AFDN: variants seen among roughly 807,000 people sequenced by gnomAD.
AFDN encodes the protein afadin.
AFDN carries 68 observed loss-of-function variants against 216.6 expected under a neutral mutation model. That is an observed-to-expected ratio of 0.31 (90% CI 0.26 to 0.38). The LOEUF (loss-of-function observed/expected upper bound fraction) is 0.38, where lower values mean the gene tolerates loss of function less well. Among genes scored for constraint, AFDN ranks in the 10% least tolerant of loss-of-function variants. The pLI, the probability that AFDN is intolerant of heterozygous loss-of-function variation, is 1.00. For synonymous variants in AFDN, 868 were observed against 853.7 expected, an observed-to-expected ratio of 1.02 and a Z score of -0.29; for missense variants, 2,136 against 2,342.0, an observed-to-expected ratio of 0.91 and a Z score of 1.82.
Position 167,879,980 on chromosome 6 carries a change from T to C in AFDN, c.740-380T>C, listed in dbSNP as rs184834985. On this transcript the variant is annotated intron_variant, in intron 5 of 33. Coordinates refer to ENST00000683244, the MANE Select transcript of AFDN (RefSeq NM_001386888.1). ...TGGGAGAAATAGGTATATAATAATA[T>C]ATAGGTAAGGAAATCGCAAAGCAAT... 8.1e-4 allele frequency among the ~76,000 whole-genome samples: 124 copies of C among 152,332 alleles called. 1 individual carries two copies. Among genetic ancestry groups the C allele is most frequent in the African/African-American group, 2.9e-3 (120 of 41,570 alleles).
intron 1 of AFDN, among the ~76,000 whole-genome samples, chr6:167,856,718 G>A (rs758367062): frequency 3.3e-5 from 5 of 152,048 alleles, no homozygotes; most frequent in Non-Finnish European, 7.4e-5. Flanking sequence ...AGTTGGTACT[G>A]TTATCTCCAT....
intron 1 of AFDN, among the ~76,000 whole-genome samples, chr6:167,847,195 T>G (rs1781795386): frequency 6.6e-6 from 1 of 152,210 alleles, no homozygotes; most frequent in Non-Finnish European, 1.5e-5. Context: ...AATTCTTCCT[T>G]CACTTGGTCT....
chr6:167,909,836 A>G (rs532434022), intron 13 of AFDN, among the ~76,000 whole-genome samples: 1 of 152,328 alleles, frequency 6.6e-6, no homozygotes, highest in Admixed American at 6.5e-5. Context: ...TCTTACTGTC[A>G]ATTTAAATTT....
At chr6:167,847,009 A>C (rs1781774516) in intron 1 of AFDN, among the ~76,000 whole-genome samples, 2 of 152,192 alleles carry the variant, frequency 1.3e-5, no homozygotes, top group Non-Finnish European at 2.9e-5. Context: ...CAGTTTGTTT[A>C]ATTTTAAAGC....
chr6:167,842,622 C>T (rs1781199643), intron 1 of AFDN, among the ~76,000 whole-genome samples: 1 of 152,126 alleles, frequency 6.6e-6, no homozygotes, highest in Non-Finnish European at 1.5e-5. Flanking sequence ...ACTGGGCTGT[C>T]TTCCTTCCTC....
intron 31 of AFDN, chr6:167,963,576 G>A (rs557949088): frequency 4.7e-6 from 5 of 1,058,074 alleles, no homozygotes; most frequent in Non-Finnish European, 5.7e-6. Context: ...TAGACATGAT[G>A]TGACTTCACT....
chr6:167,855,597 G>A (rs1214819949), intron 1 of AFDN, among the ~76,000 whole-genome samples: 1 of 152,034 alleles, frequency 6.6e-6, no homozygotes, highest in Non-Finnish European at 1.5e-5. Flanking sequence ...CATTGACTTT[G>A]AGAGTACTAG....
chr6:167,948,328 C>A lies in AFDN; in HGVS notation c.3681C>A (p.Pro1227=). ...QTPPPRPEAY[P]IPTQTYTREY... ...CTCCGCCTAGACCTGAAGCCTACCC[C>A]ATCCCCACTCAGACGTACACCAGAG... The change falls in exon 29 of 34, where the codon CCC becomes CCA. Residue 1227 remains proline, a synonymous_variant. Coordinates refer to ENST00000683244, the MANE Select transcript of AFDN (RefSeq NM_001386888.1). 1.2e-6 allele frequency: 2 copies of A among 1,614,086 alleles called. No individual in the cohort carries two copies. The highest frequency in any genetic ancestry group is 1.1e-5 in the South Asian group (1 of 91,056).
intron 4 of AFDN, among the ~76,000 whole-genome samples, chr6:167,874,332 C>A (rs1286888589): frequency 6.6e-6 from 1 of 152,008 alleles, no homozygotes; most frequent in Non-Finnish European, 1.5e-5. Context: ...ATGAGTTGTT[C>A]AACTTGATTA....
chr6:167,915,894 C>A (rs578042050), intron 19 of AFDN, among the ~76,000 whole-genome samples: 1 of 152,258 alleles, frequency 6.6e-6, no homozygotes, highest in African/African-American at 2.4e-5. Flanking sequence ...GACTTGGGTC[C>A]CATCCCCAGA....
intron 1 of AFDN, among the ~76,000 whole-genome samples, chr6:167,845,786 T>G (rs1327153418): frequency 1.3e-5 from 2 of 152,180 alleles, no homozygotes; most frequent in Non-Finnish European, 2.9e-5. Flanking sequence ...CTTAGTGTAT[T>G]AGTCTGTTTT....
Position 167,834,642 on chromosome 6 carries a change from T to G in AFDN, c.105+7405T>G, listed in dbSNP as rs1165594027. 3.3e-5 allele frequency among the ~76,000 whole-genome samples: 5 copies of G among 152,128 alleles called. No homozygotes were observed. The East Asian group carries it at 9.7e-4, about 29-fold the overall frequency. Reference sequence around the variant, plus strand: ...TGTGTCAAGGATTCTAGTTTGAACTTACTTTATTTTCATTTCTGCTGTCCT... The same window carrying G: ...TGTGTCAAGGATTCTAGTTTGAACTGACTTTATTTTCATTTCTGCTGTCCT... On this transcript the variant is annotated intron_variant, in intron 1 of 33. Coordinates refer to ENST00000683244, the MANE Select transcript of AFDN (RefSeq NM_001386888.1).
chr6:167,922,791 A>G (rs1196768554), intron 21 of AFDN, 65 bp from the exon 22 acceptor site: 1 of 1,093,640 alleles, frequency 9.1e-7, no homozygotes, highest in East Asian at 2.4e-5. Flanking sequence ...TTGGTAATTA[A>G]TCTTGCTTCC....
rs142037151 is a variant in AFDN, at chr6:167,834,808, C to T, written c.105+7571C>T. On this transcript the variant is annotated intron_variant, in intron 1 of 33. Coordinates refer to ENST00000683244, the MANE Select transcript of AFDN (RefSeq NM_001386888.1). ...CAGTCTGGGCAACACAGTGAGGTCC[C>T]GTCTCTACCAAAATTTAAAAAAAAA... is the stretch of plus-strand genomic sequence containing the variant. Among the ~76,000 whole-genome samples, 581 of 151,888 alleles carry T rather than the reference C, an allele frequency of 3.8e-3. 1 individual carries two copies. The highest frequency in any genetic ancestry group is 0.013 in the African/African-American group (553 of 41,428).
At chr6:167,887,596 C>T (rs1787025868) in intron 6 of AFDN, among the ~76,000 whole-genome samples, 1 of 152,084 alleles carries the variant, frequency 6.6e-6, no homozygotes, top group Admixed American at 6.5e-5. Context: ...ACTGGGACTA[C>T]AGGCGCACGC....
At chr6:167,926,087 A>C (rs997545150) in intron 23 of AFDN, among the ~76,000 whole-genome samples, 1 of 152,108 alleles carries the variant, frequency 6.6e-6, no homozygotes, top group Admixed American at 6.5e-5. Flanking sequence ...ATTTTAGTTT[A>C]TTTTTCTTTA....
In AFDN at chr6:167,952,088, G is replaced by A; in HGVS notation, c.4734G>A (p.Gln1578=). ...AGTGGCAGTTCCAGAAGAGACTCCA[G>A]GAGTCGAAGCAGAAGGACGAAGATG... is the stretch of plus-strand genomic sequence containing the variant. ...MLEWQFQKRL[Q]ESKQKDEDDE... The change falls in exon 30 of 34, where the codon CAG becomes CAA. Residue 1578 remains glutamine (Q), a synonymous_variant. Coordinates refer to ENST00000683244, the MANE Select transcript of AFDN (RefSeq NM_001386888.1). The A allele has an allele frequency of 6.2e-7, 1 of 1,614,130 alleles. No homozygotes were observed. The highest frequency in any genetic ancestry group is 8.5e-7 in the Non-Finnish European group (1 of 1,180,016).
intron 1 of AFDN, among the ~76,000 whole-genome samples, chr6:167,844,366 C>A (rs185630535): frequency 1.3e-5 from 2 of 151,958 alleles, no homozygotes; most frequent in Admixed American, 1.3e-4. Flanking sequence ...AAAATTGGAT[C>A]GTAGGATATA....
chr6:167,913,531 C>A, intron 16 of AFDN, 108 bp downstream of exon 16: 1 of 1,024,300 alleles, frequency 9.8e-7, no homozygotes, highest in Non-Finnish European at 1.4e-6. Flanking sequence ...CAGCTCATAA[C>A]ACTCATTCAG....
Sources: gnomAD v4.1 joint callset for allele counts (sites outside exome capture counted in the v4.1 genomes callset) on GRCh38, gnomAD v4.1.1 for gene constraint, MANE v1.5 for transcripts, NCBI Gene and HGNC (gene_info 2026-07-23, HGNC 2026-07-21) for gene names.